TSHZ3: variants seen among roughly 807,000 people sequenced by gnomAD.
TSHZ3 encodes teashirt zinc finger homeobox 3, also known as teashirt homolog 3.
In TSHZ3, 10 loss-of-function variants were observed where a neutral mutation model predicts 64.5. The observed-to-expected ratio is 0.16, with a 90% CI of 0.10 to 0.26. TSHZ3 has a LOEUF of 0.26. TSHZ3 is among the 10% of genes least tolerant of loss of function. The pLI, the probability that TSHZ3 is intolerant of heterozygous loss-of-function variation, is 1.00. For synonymous variants in TSHZ3, 608 were observed against 593.1 expected (o/e 1.03, Z -0.36); for missense variants, 1,242 against 1,421.7 (o/e 0.87, Z 2.03).
At chr19:31,345,372 T>C (rs1219743288) in intron 1 of TSHZ3, among the ~76,000 whole-genome samples, 1 of 152,190 alleles carries the variant, frequency 6.6e-6, no homozygotes, top group Admixed American at 6.5e-5. Context: ...AAAAGCTCCT[T>C]CCTGGAGCTG....
intron 1 of TSHZ3, among the ~76,000 whole-genome samples, chr19:31,290,532 T>C (rs1201510053): frequency 6.6e-6 from 1 of 152,108 alleles, no homozygotes. Flanking sequence ...TCTAGAGGAC[T>C]GTTTATACCT....
At chr19:31,206,112 G>A (rs866480359) in intron 4 of TSHZ3, among the ~76,000 whole-genome samples, 4 of 147,278 alleles carry the variant, frequency 2.7e-5, no homozygotes, top group African/African-American at 8.1e-5. Context: ...TGGATGGATG[G>A]ATGGATGGAT....
exon 7 of TSHZ3, among the ~76,000 whole-genome samples, chr19:31,150,485 G>C (rs143547787): frequency 6.6e-6 from 1 of 152,192 alleles, no homozygotes; most frequent in Non-Finnish European, 1.5e-5. Flanking sequence ...TGGCCACATC[G>C]CATGACATGC....
At chr19:31,347,274 C>T (rs377711067) in intron 1 of TSHZ3, among the ~76,000 whole-genome samples, 266 of 151,486 alleles carry the variant, frequency 1.8e-3, no homozygotes, top group Non-Finnish European at 3.3e-3. Context: ...AAGCCAACAG[C>T]AGGTTCCCTC....
At chr19:31,288,630 A>G (rs1204394222) in intron 1 of TSHZ3, among the ~76,000 whole-genome samples, 2 of 151,968 alleles carry the variant, frequency 1.3e-5, no homozygotes, top group Non-Finnish European at 2.9e-5. Flanking sequence ...GCAGCCTCTA[A>G]CTCCTGGGCT....
chr19:31,283,755 G>T (rs2145120789), intron 1 of TSHZ3, among the ~76,000 whole-genome samples: 1 of 152,372 alleles, frequency 6.6e-6, no homozygotes, highest in East Asian at 1.9e-4. Context: ...TCAGCAAGTG[G>T]AGTAGTTCCT....
chr19:31,334,790 AC>A (rs1240680385), intron 1 of TSHZ3, among the ~76,000 whole-genome samples: 1 of 152,168 alleles, frequency 6.6e-6, no homozygotes, highest in Non-Finnish European at 1.5e-5. Context: ...CCCCCTTGAG[AC>A]ATAAGAGACC....
chr19:31,161,729 C>T (rs1274203958), intron 5 of TSHZ3, among the ~76,000 whole-genome samples: 1 of 152,188 alleles, frequency 6.6e-6, no homozygotes, highest in Non-Finnish European at 1.5e-5. Flanking sequence ...TAGAACCGGC[C>T]TATTCTGTTC....
intron 5 of TSHZ3, among the ~76,000 whole-genome samples, chr19:31,165,512 C>T (rs1374592937): frequency 1.3e-5 from 2 of 152,054 alleles, no homozygotes. Context: ...CGAAGTCATC[C>T]AAAGATAAAA....
At chr19:31,309,171 A>T (rs989714808) in intron 1 of TSHZ3, among the ~76,000 whole-genome samples, 1 of 152,224 alleles carries the variant, frequency 6.6e-6, no homozygotes, top group African/African-American at 2.4e-5. Flanking sequence ...ATCGCTTTGT[A>T]CGGGGCCCTG....
intron 1 of TSHZ3, among the ~76,000 whole-genome samples, chr19:31,301,947 C>T (rs1976764973): frequency 6.6e-6 from 1 of 152,088 alleles, no homozygotes; most frequent in East Asian, 1.9e-4. Flanking sequence ...GAACTCAGGT[C>T]CCTAGGCGCC....
Position 31,229,603 on chromosome 19 carries a change from C to T in TSHZ3, n.551-1463G>A, listed in dbSNP as rs560175631. On this transcript the variant is annotated intron_variant and non_coding_transcript_variant, in intron 3 of 6. Coordinates refer to the TSHZ3 transcript ENST00000651361. ...GAAAATCTTTTAGGTAGTGTATTAC[C>T]ATAAAGTAGAATCTTGATGAAATTG... Among the ~76,000 whole-genome samples, 21 of 152,148 alleles carry T rather than the reference C, an allele frequency of 1.4e-4. 1 individual carries two copies. The South Asian group carries it at 4.4e-3, about 32-fold the overall frequency.
chr19:31,163,549 C>T (rs536657686), intron 5 of TSHZ3, among the ~76,000 whole-genome samples: 62 of 152,180 alleles, frequency 4.1e-4, no homozygotes, highest in Admixed American at 1.1e-3. Flanking sequence ...CTGGCCAACA[C>T]GGTGAAACCC....
chr19:31,254,729 C>T (rs1975886396), intron 1 of TSHZ3, among the ~76,000 whole-genome samples: 1 of 152,332 alleles, frequency 6.6e-6, no homozygotes, highest in African/African-American at 2.4e-5. Flanking sequence ...CCATTCTGGG[C>T]TCCAACCTGC....
At chr19:31,256,464 G>A (rs1448233307) in intron 1 of TSHZ3, among the ~76,000 whole-genome samples, 1 of 152,200 alleles carries the variant, frequency 6.6e-6, no homozygotes, top group Non-Finnish European at 1.5e-5. Context: ...AGTAGTGACA[G>A]ATGTTTGCCC....
chr19:31,261,630 G>A (rs901125218), intron 1 of TSHZ3, among the ~76,000 whole-genome samples: 4 of 152,248 alleles, frequency 2.6e-5, no homozygotes, highest in East Asian at 1.9e-4. Flanking sequence ...TAGATAGTGC[G>A]ACTACTTTCA....
chr19:31,208,206 T>A (rs1975212558), intron 4 of TSHZ3, among the ~76,000 whole-genome samples: 1 of 152,316 alleles, frequency 6.6e-6, no homozygotes, highest in South Asian at 2.1e-4. Flanking sequence ...GTTTAGGATA[T>A]CAAAGCAAAA....
At chr19:31,320,365 C>T (rs578169896) in intron 1 of TSHZ3, among the ~76,000 whole-genome samples, 1 of 152,184 alleles carries the variant, frequency 6.6e-6, no homozygotes, top group Non-Finnish European at 1.5e-5. Context: ...CACTAAGATC[C>T]ATCCCTGCTG....
intron 5 of TSHZ3, among the ~76,000 whole-genome samples, chr19:31,197,281 T>C (rs959738157): frequency 1.3e-5 from 2 of 151,890 alleles, no homozygotes; most frequent in Admixed American, 6.6e-5. Context: ...ACACAACTTA[T>C]AAAATTTGTG....
Sources: allele counts gnomAD v4.1 joint callset (sites outside exome capture counted in the v4.1 genomes callset), GRCh38; gene constraint gnomAD v4.1.1; transcripts MANE v1.5; gene names NCBI Gene and HGNC (gene_info 2026-07-23, HGNC 2026-07-21).